The following MYRIP variants were observed in gnomAD, a reference collection of about 807,000 sequenced individuals.
MYRIP encodes rab effector MyRIP.
Under a neutral mutation model 98.0 loss-of-function variants are expected in MYRIP, and 49 were observed. The ratio of observed to expected loss-of-function variants is 0.50; its 90% CI spans 0.40 to 0.63. The LOEUF (loss-of-function observed/expected upper bound fraction) is 0.63, where lower values mean the gene tolerates loss of function less well. Among genes scored for constraint, MYRIP ranks in the 30% least tolerant of loss-of-function variants. The probability of loss-of-function intolerance (pLI) is 0.00; values close to 1 mark genes in which losing one functional copy is unlikely to be tolerated. For missense variants in MYRIP, 1,004 were observed against 1,058.2 expected (o/e 0.95, Z 0.71); for synonymous variants, 404 against 409.5 (o/e 0.99, Z 0.16).
At chr3:40,038,227 T>G (rs1947426536) in intron 2 of MYRIP, among the ~76,000 whole-genome samples, 1 of 152,200 alleles carries the variant, frequency 6.6e-6, no homozygotes, top group Admixed American at 6.6e-5. Context: ...AAATTTCTTA[T>G]TTAAAACCTG....
chr3:40,250,646 C>A, intron 15 of MYRIP, 147 bp downstream of exon 15: 1 of 878,920 alleles, frequency 1.1e-6, no homozygotes, highest in Non-Finnish European at 1.8e-6. Flanking sequence ...TGGGTCCCCC[C>A]AGAAGCAAAC....
At chr3:40,119,993 G>T (rs763162315) in intron 3 of MYRIP, among the ~76,000 whole-genome samples, 4 of 152,100 alleles carry the variant, frequency 2.6e-5, no homozygotes, top group Non-Finnish European at 4.4e-5. Context: ...CCATTAGCCA[G>T]CGATGTAGCC....
At chr3:39,921,188 G>A (rs1349232615) in intron 2 of MYRIP, among the ~76,000 whole-genome samples, 1 of 152,198 alleles carries the variant, frequency 6.6e-6, no homozygotes, top group Non-Finnish European at 1.5e-5. Flanking sequence ...TTAGAAATCA[G>A]TCTTGAATTT....
chr3:39,944,969 T>C (rs1318206087), intron 2 of MYRIP, among the ~76,000 whole-genome samples: 1 of 152,094 alleles, frequency 6.6e-6, no homozygotes, highest in East Asian at 1.9e-4. Context: ...TCTGCTTTTA[T>C]GGGATAGTAT....
rs1948643103 is a variant in MYRIP at position 40,087,039 on chromosome 3, T to C, written c.332+42768T>C. On this transcript the variant is annotated intron_variant, in intron 3 of 16. Transcript: ENST00000302541. ...AGGCATTATCAGTTAGCTCCTCTCA[T>C]GCCACTGCTACGTGGGCGAACATAT... is the stretch of plus-strand genomic sequence containing the variant. Among the ~76,000 whole-genome samples the C allele has an allele frequency of 2.0e-5, 3 of 152,054 alleles. No individual in the cohort carries two copies. The South Asian group carries it at 6.2e-4, about 31-fold the overall frequency.
In MYRIP at chr3:40,108,271, G is replaced by A. The variant is rs1460745761; in HGVS notation, c.333-42777G>A. On this transcript the variant is annotated intron_variant, in intron 3 of 16. Coordinates refer to ENST00000302541, the MANE Select transcript of MYRIP (RefSeq NM_015460.4). The stretch of plus-strand genomic sequence containing the variant: ...GGATGTAGGACTACAACCAGCTTGT[G>A]TGAAAAAAGACAGAGTTTATAATTT... Among the ~76,000 whole-genome samples the A allele has an allele frequency of 1.1e-4, 7 of 64,954 alleles. No homozygotes were observed. The East Asian group carries it at 2.0e-3, about 19-fold the overall frequency. The allele number at this position is 64,954 out of a possible 152,430, so 42.6% of individuals were successfully genotyped here.
intron 2 of MYRIP, among the ~76,000 whole-genome samples, chr3:40,036,319 A>AC (rs1553607298): frequency 4.3e-5 from 6 of 139,600 alleles, no homozygotes; most frequent in Non-Finnish European, 3.1e-5. Flanking sequence ...AAAAAAAAAA[A>AC]AAAAACTTTA....
At chr3:39,830,686 C>G (rs1575282420) in intron 1 of MYRIP, among the ~76,000 whole-genome samples, 1 of 152,140 alleles carries the variant, frequency 6.6e-6, no homozygotes, top group South Asian at 2.1e-4. Context: ...TTTTCTTCTC[C>G]TCTGAATTTC....
intron 12 of MYRIP, among the ~76,000 whole-genome samples, chr3:40,239,013 C>T (rs1225747046): frequency 6.6e-6 from 1 of 150,622 alleles, no homozygotes; most frequent in Non-Finnish European, 1.5e-5. Context: ...CCCACTAACT[C>T]GTCATCTAGC....
intron 1 of MYRIP, among the ~76,000 whole-genome samples, chr3:39,825,261 G>A (rs1185441018): frequency 1.3e-5 from 2 of 152,066 alleles, no homozygotes; most frequent in African/African-American, 2.4e-5. Context: ...GGACATCCTC[G>A]TCTTGCACTA....
Position 40,252,108 on chromosome 3 carries a change from T to C in MYRIP, c.2547+109T>C, listed in dbSNP as rs963474212. 7 of 828,296 alleles carry C rather than the reference T, an allele frequency of 8.5e-6. No individual in the cohort carries two copies. The Admixed American group carries it at 1.7e-4, about 20-fold the overall frequency. 51.3% of individuals were successfully genotyped at this position (828,296 alleles called of 1,614,324 possible). Reference sequence around the variant, plus strand: ...GCATCAGAACCCCCAAAAAGTATCCTTCCTCCGTGGTCTTATGGTCTGTTG... The same window carrying C: ...GCATCAGAACCCCCAAAAAGTATCCCTCCTCCGTGGTCTTATGGTCTGTTG... On this transcript the variant is annotated intron_variant, in intron 16 of 16. Transcript: ENST00000302541.
chr3:40,049,337 A>G (rs945331918), intron 3 of MYRIP, among the ~76,000 whole-genome samples: 2 of 152,138 alleles, frequency 1.3e-5, no homozygotes, highest in African/African-American at 4.8e-5. Flanking sequence ...ACGTTTTGGT[A>G]ATTCTCACAA....
chr3:40,256,054 A>G (rs1434633298), intron 16 of MYRIP, among the ~76,000 whole-genome samples: 1 of 152,232 alleles, frequency 6.6e-6, no homozygotes, highest in Non-Finnish European at 1.5e-5. Context: ...TACAGTGGCC[A>G]CTAGCCACGT....
chr3:40,099,949 T>C, intron 3 of MYRIP: 1 of 969,680 alleles, frequency 1.0e-6, no homozygotes. Flanking sequence ...GATGGATTTT[T>C]CTCGGCATTG....
intron 1 of MYRIP, among the ~76,000 whole-genome samples, chr3:39,840,115 T>C (rs906451288): frequency 2.0e-5 from 3 of 152,232 alleles, no homozygotes; most frequent in Non-Finnish European, 4.4e-5. Context: ...TAAGTCTTTT[T>C]GTAGGTCTCT....
At chr3:39,936,148 T>G (rs538295271) in intron 2 of MYRIP, among the ~76,000 whole-genome samples, 7 of 152,344 alleles carry the variant, frequency 4.6e-5, no homozygotes, top group African/African-American at 1.7e-4. Context: ...ACTAAACCAG[T>G]ATTTCTTTTT....
intron 3 of MYRIP, among the ~76,000 whole-genome samples, chr3:40,050,811 C>A (rs904603555): frequency 2.0e-5 from 3 of 152,066 alleles, no homozygotes; most frequent in Non-Finnish European, 4.4e-5. Context: ...AAAGTTGATT[C>A]CAGCCCACAC....
chr3:40,023,385 A>G (rs558545732), intron 2 of MYRIP, among the ~76,000 whole-genome samples: 1 of 152,350 alleles, frequency 6.6e-6, no homozygotes, highest in African/African-American at 2.4e-5. Context: ...TTGGAAAAGC[A>G]ACAGGAAAAA....
chr3:40,175,998 T>G (rs1328055605), intron 8 of MYRIP, among the ~76,000 whole-genome samples: 1 of 152,226 alleles, frequency 6.6e-6, no homozygotes, highest in Non-Finnish European at 1.5e-5. Flanking sequence ...GACCATGCAT[T>G]ATGTTTGTAC....
Sources: gnomAD v4.1 joint callset for allele counts (sites outside exome capture counted in the v4.1 genomes callset) on GRCh38, gnomAD v4.1.1 for gene constraint, MANE v1.5 for transcripts, NCBI Gene and HGNC (gene_info 2026-07-23, HGNC 2026-07-21) for gene names.